TSPAN16: variants seen among roughly 807,000 people sequenced by gnomAD.
TSPAN16 encodes the protein tetraspanin-16.
A neutral mutation model predicts 25.2 loss-of-function variants in TSPAN16; 23 were observed. The ratio of observed to expected loss-of-function variants is 0.91; its 90% CI spans 0.66 to 1.29. The LOEUF is 1.29. Among genes scored for constraint, TSPAN16 ranks in the 50% most tolerant of loss-of-function variants. TSPAN16 has a pLI of 0.00. For synonymous variants in TSPAN16, 123 were observed against 124.4 expected, an observed-to-expected ratio of 0.99 and a Z score of 0.08; for missense variants, 272 against 299.9, an observed-to-expected ratio of 0.91 and a Z score of 0.69.
intron 4 of TSPAN16, among the ~76,000 whole-genome samples, chr19:11,302,674 TATATAC>T (rs1385423554): frequency 1.6e-5 from 2 of 128,646 alleles, no homozygotes; most frequent in Admixed American, 7.6e-5. Context: ...TATATATATA[TATATAC>T]ACACACACAC....
chr19:11,325,407 G>A (rs1168770755), intron 6 of TSPAN16: 4 of 1,542,940 alleles, frequency 2.6e-6, no homozygotes, highest in Admixed American at 3.5e-5. Flanking sequence ...TCTAGCAGCT[G>A]CAGCTGCTGG....
At position 11,301,251 on chromosome 19, in the gene TSPAN16, C is replaced by CCCTGAGGA; in HGVS notation, c.393_394insCCTGAGGA (p.Arg132ProfsTer23). On this transcript the variant is annotated frameshift_variant, in exon 4 of 7. Coordinates refer to ENST00000590327, the MANE Select transcript of TSPAN16 (RefSeq NM_001282509.2). LOFTEE classifies it high-confidence loss of function. The stretch of plus-strand genomic sequence containing the variant: ...CCTTCGTGACCCTGAGGAAGAATTA[C>CCCTGAGGA]AGAGGTTACAACGAGCCAGACGACT... 1 of 1,613,832 alleles carries CCCTGAGGA rather than the reference C, an allele frequency of 6.2e-7. No individual in the cohort carries two copies. Among genetic ancestry groups the CCCTGAGGA allele is most frequent in the Non-Finnish European group, 8.5e-7 (1 of 1,179,970 alleles).
At position 11,308,385 on chromosome 19, in the gene TSPAN16, G is replaced by A. The variant is rs943030668; in HGVS notation, c.603+1629G>A. Among the ~76,000 whole-genome samples, 44 of 151,968 alleles carry A rather than the reference G, an allele frequency of 2.9e-4. 1 individual carries two copies. Among genetic ancestry groups the A allele is most frequent in the Admixed American group, 2.6e-3 (40 of 15,252 alleles). Reference sequence around the variant, plus strand: ...GCAATCTCGACTCACCGCAGCCTCCGCCTCCCAGGTTCAGGTGATTCTCCT... The same window carrying A: ...GCAATCTCGACTCACCGCAGCCTCCACCTCCCAGGTTCAGGTGATTCTCCT... On this transcript the variant is annotated intron_variant, in intron 5 of 6. Coordinates refer to ENST00000590327, the MANE Select transcript of TSPAN16 (RefSeq NM_001282509.2).
chr19:11,312,403 A>C, intron 6 of TSPAN16, 181 bp downstream of exon 6: 1 of 420,676 alleles, frequency 2.4e-6, no homozygotes. Context: ...TAAAGATTAG[A>C]GTGAAAATAT....
At chr19:11,304,319 T>C (rs1239213630) in intron 4 of TSPAN16, among the ~76,000 whole-genome samples, 1 of 151,262 alleles carries the variant, frequency 6.6e-6, no homozygotes, top group Non-Finnish European at 1.5e-5. Flanking sequence ...GGCCAGGCTT[T>C]GAAAGGAACA....
intron 4 of TSPAN16, among the ~76,000 whole-genome samples, chr19:11,303,294 A>G (rs1337093662): frequency 7.1e-6 from 1 of 141,558 alleles, no homozygotes; most frequent in African/African-American, 2.8e-5. Context: ...TGCTGTGTCC[A>G]CTCAGGGTTA....
chr19:11,315,717 C>T (rs2080742711), intron 6 of TSPAN16, 74 bp from the exon 7 acceptor site: 1 of 1,151,602 alleles, frequency 8.7e-7, no homozygotes, highest in Admixed American at 4.2e-5. Flanking sequence ...TCCCCTTGTC[C>T]CCGTAACTCC....
intron 3 of TSPAN16, among the ~76,000 whole-genome samples, chr19:11,300,220 GTTTA>G (rs2080529205): frequency 6.6e-6 from 1 of 152,166 alleles, no homozygotes; most frequent in Non-Finnish European, 1.5e-5. Context: ...AAGGCATGTG[GTTTA>G]TTTGAGAGGT....
Position 11,298,922 on chromosome 19 carries a change from A to G in TSPAN16, c.318A>G (p.Thr106=). 1.2e-6 allele frequency: 2 copies of G among 1,614,122 alleles called. No individual in the cohort carries two copies. The highest frequency in any genetic ancestry group is 1.7e-6 in the Non-Finnish European group (2 of 1,180,004). ...TCATCATGGAAGTTACAGCTGCCAC[A>G]GTGGTCCTTCTTTTCTTTCCAATTG... is the stretch of plus-strand genomic sequence containing the variant. ...IVLIMEVTAA[T]VVLLFFPIVG... is the part of the protein sequence containing the mutation. The change falls in exon 3 of 7, where the codon ACA becomes ACG. Residue 106 remains threonine, a synonymous_variant. Transcript: ENST00000590327.
At chr19:11,303,675 C>A (rs322153) in intron 4 of TSPAN16, among the ~76,000 whole-genome samples, 61,634 of 149,982 alleles carry the variant, frequency 0.41, 14,644 homozygotes, top group African/African-American at 0.64. Context: ...CACTGGCCTA[C>A]GTTTTTTGAG....
intron 4 of TSPAN16, among the ~76,000 whole-genome samples, chr19:11,304,790 C>T (rs1054066145): frequency 1.3e-5 from 2 of 152,040 alleles, no homozygotes; most frequent in Non-Finnish European, 2.9e-5. Flanking sequence ...TCCCAAAGTG[C>T]TGGGATTACA....
chr19:11,297,482 A>ATTGTTTTATT (rs2080491034), intron 1 of TSPAN16, among the ~76,000 whole-genome samples: 1 of 146,944 alleles, frequency 6.8e-6, no homozygotes, highest in Admixed American at 6.8e-5. Flanking sequence ...GTCCTATGAC[A>ATTGTTTTATT]TTATTTTATT....
intron 4 of TSPAN16, among the ~76,000 whole-genome samples, chr19:11,302,629 A>ATT (rs1489597676): frequency 3.3e-4 from 48 of 143,668 alleles, no homozygotes; most frequent in African/African-American, 1.2e-3. Context: ...ATAAATATAT[A>ATT]TATACACACA....
chr19:11,317,618 C>T (rs1412363741), downstream of TSPAN16, among the ~76,000 whole-genome samples: 1 of 152,014 alleles, frequency 6.6e-6, no homozygotes, highest in Non-Finnish European at 1.5e-5. Flanking sequence ...CCTCAGCCTC[C>T]TGCCTAGCTG....
intron 6 of TSPAN16, among the ~76,000 whole-genome samples, chr19:11,312,912 A>T (rs2080708521): frequency 6.6e-6 from 1 of 152,234 alleles, no homozygotes; most frequent in Non-Finnish European, 1.5e-5. Flanking sequence ...GTGAACCTGT[A>T]TGCCAATAAA....
chr19:11,316,351 T>C (rs2080749602), downstream of TSPAN16, among the ~76,000 whole-genome samples: 1 of 151,952 alleles, frequency 6.6e-6, no homozygotes. Context: ...AACTCCTGAG[T>C]TCAGGTGATC....
chr19:11,300,213 G>T (rs1448694664), intron 3 of TSPAN16, among the ~76,000 whole-genome samples: 1 of 152,120 alleles, frequency 6.6e-6, no homozygotes, highest in Admixed American at 6.6e-5. Context: ...TAATTCAAAG[G>T]CATGTGGTTT....
intron 6 of TSPAN16, chr19:11,322,418 G>A (rs2080785320): frequency 6.6e-6 from 1 of 152,018 alleles, no homozygotes; most frequent in Non-Finnish European, 1.5e-5. Flanking sequence ...AACTGCCCAT[G>A]TAAAATAAAC....
chr19:11,314,881 G>A (rs376654099), intron 6 of TSPAN16, among the ~76,000 whole-genome samples: 8 of 152,138 alleles, frequency 5.3e-5, no homozygotes, highest in Admixed American at 3.9e-4. Flanking sequence ...AAGCCTAACC[G>A]GAAGTTATGT....
Sources: gnomAD v4.1 joint callset for allele counts (sites outside exome capture counted in the v4.1 genomes callset) on GRCh38, gnomAD v4.1.1 for gene constraint, MANE v1.5 for transcripts, NCBI Gene and HGNC (gene_info 2026-07-23, HGNC 2026-07-21) for gene names.